The following LINGO2 variants were observed in gnomAD, a reference collection of about 807,000 sequenced individuals.
LINGO2 encodes leucine-rich repeat and immunoglobulin-like domain-containing nogo receptor-interacting protein 2.
A neutral mutation model predicts 30.6 loss-of-function variants in LINGO2; 14 were observed. The observed-to-expected ratio is 0.46, with a 90% CI of 0.30 to 0.72. LINGO2 has a LOEUF of 0.72. LINGO2 is among the 30% of genes least tolerant of loss of function. The probability of loss-of-function intolerance (pLI) is 0.07; values close to 1 mark genes in which losing one functional copy is unlikely to be tolerated. For synonymous variants in LINGO2, 317 were observed against 288.5 expected (o/e 1.10, Z -1.00); for missense variants, 729 against 751.7 (o/e 0.97, Z 0.35).
chr9:28,409,381 G>A (rs1038261796), intron 2 of LINGO2, among the ~76,000 whole-genome samples: 2 of 151,948 alleles, frequency 1.3e-5, no homozygotes, highest in African/African-American at 4.8e-5. Context: ...CATTTCTTAC[G>A]ATAGCAAGCA....
At chr9:28,987,712 C>T in the LINGO2 span, among the ~76,000 whole-genome samples, 2 of 152,094 alleles carry the variant, frequency 1.3e-5, no homozygotes, top group East Asian at 1.9e-4. Context: ...CTTTTTTCTA[C>T]ATCCCATAAT....
At chr9:28,747,065 C>T in the LINGO2 span, among the ~76,000 whole-genome samples, 1 of 151,910 alleles carries the variant, frequency 6.6e-6, no homozygotes, top group African/African-American at 2.4e-5. Context: ...TAAATGAGAA[C>T]AGGCATTCCT....
Position 28,481,277 on chromosome 9 carries a change from T to G in LINGO2, c.-364-5252A>C, listed in dbSNP as rs111986986. ...TGCAAAATAATTATTAATATCCATA[T>G]TTTGTAATGAGACAATTGAAACATG... On this transcript the variant is annotated intron_variant, in intron 1 of 5. Transcript: ENST00000379992. Among the ~76,000 whole-genome samples the G allele has an allele frequency of 2.1e-3, 317 of 152,276 alleles. 2 individuals are homozygous for G. Among genetic ancestry groups the G allele is most frequent in the African/African-American group, 6.4e-3 (268 of 41,556 alleles).
At chr9:28,910,404 C>T in the LINGO2 span, among the ~76,000 whole-genome samples, 1 of 151,924 alleles carries the variant, frequency 6.6e-6, no homozygotes, top group African/African-American at 2.4e-5. Context: ...TACAGTGTAG[C>T]AAATGAGCAA....
chr9:28,105,465 C>T (rs956493421), intron 4 of LINGO2, among the ~76,000 whole-genome samples: 3 of 151,904 alleles, frequency 2.0e-5, no homozygotes, highest in Non-Finnish European at 4.4e-5. Flanking sequence ...GATAAATACA[C>T]GAGTAAGAAA....
chr9:28,777,543 G>A, the LINGO2 span, among the ~76,000 whole-genome samples: 1 of 152,184 alleles, frequency 6.6e-6, no homozygotes, highest in Non-Finnish European at 1.5e-5. Context: ...GTGTGCCAGT[G>A]AGGTGTTTAT....
intron 1 of LINGO2, among the ~76,000 whole-genome samples, chr9:28,604,787 A>G (rs1181431296): frequency 1.3e-5 from 2 of 152,098 alleles, no homozygotes; most frequent in Admixed American, 1.3e-4. Flanking sequence ...TTACAATTGA[A>G]ATGGGGCAAA....
the LINGO2 span, among the ~76,000 whole-genome samples, chr9:28,743,811 C>T: frequency 6.6e-6 from 1 of 151,600 alleles, no homozygotes; most frequent in Non-Finnish European, 1.5e-5. Context: ...TTTGTTGATA[C>T]TACTGGTAGT....
chr9:29,045,697 G>C, the LINGO2 span, among the ~76,000 whole-genome samples: 3 of 151,938 alleles, frequency 2.0e-5, no homozygotes, highest in Admixed American at 6.6e-5. Context: ...TCAATAGTTT[G>C]ATAGGAATAG....
chr9:29,017,926 A>G, the LINGO2 span, among the ~76,000 whole-genome samples: 3 of 151,852 alleles, frequency 2.0e-5, no homozygotes, highest in Non-Finnish European at 4.4e-5. Context: ...ATGGTGCCCA[A>G]GAGCAGTAAG....
chr9:28,167,465 C>A (rs1828463707), intron 4 of LINGO2, among the ~76,000 whole-genome samples: 1 of 152,214 alleles, frequency 6.6e-6, no homozygotes, highest in African/African-American at 2.4e-5. Context: ...ACTGCAACCT[C>A]CACCTCCAGG....
At chr9:29,021,957 A>T in the LINGO2 span, among the ~76,000 whole-genome samples, 61,745 of 151,952 alleles carry the variant, frequency 0.41, 12,705 homozygotes, top group East Asian at 0.54. Context: ...ATATCACAAA[A>T]ATTGAGGTTA....
At position 28,092,440 on chromosome 9, in the gene LINGO2, G is replaced by A. The variant is rs543907406; in HGVS notation, c.-86-80035C>T. On this transcript the variant is annotated intron_variant, in intron 4 of 5. Transcript: ENST00000379992. ...AAACCATCATTCTCAGCAAACTGTCGCAAGGACAAAAAACCAAACACCGCA... is the reference window on the plus strand; with the variant it reads ...AAACCATCATTCTCAGCAAACTGTCACAAGGACAAAAAACCAAACACCGCA... 4.4e-4 allele frequency among the ~76,000 whole-genome samples: 67 copies of A among 150,624 alleles called. No individual in the cohort carries two copies. In the East Asian group the frequency reaches 9.3e-3, roughly 21 times the overall value.
intron 4 of LINGO2, among the ~76,000 whole-genome samples, chr9:28,152,284 A>G (rs570453178): frequency 6.6e-6 from 1 of 151,882 alleles, no homozygotes; most frequent in East Asian, 1.9e-4. Context: ...GTTGTTAAAA[A>G]GAGCCTGGCA....
At chr9:28,479,910 GGTATATATATATATATATATATATATAT>G (rs1825879238) in intron 1 of LINGO2, among the ~76,000 whole-genome samples, 1 of 17,236 alleles carries the variant, frequency 5.8e-5, no homozygotes, top group African/African-American at 1.6e-4. Context: ...TATATACGTA[GGTATATATATATATATATATATATATAT>G]ATATATATAT....
chr9:28,997,441 T>C, the LINGO2 span, among the ~76,000 whole-genome samples: 2 of 152,232 alleles, frequency 1.3e-5, no homozygotes, highest in Non-Finnish European at 1.5e-5. Context: ...TATTAGACTA[T>C]TGACAATGAC....
At chr9:28,970,516 A>G in the LINGO2 span, among the ~76,000 whole-genome samples, 1 of 151,894 alleles carries the variant, frequency 6.6e-6, no homozygotes, top group African/African-American at 2.4e-5. Flanking sequence ...CGCTAATGCA[A>G]CCCCTCCCCC....
chr9:28,073,414 A>G (rs1563958955), intron 4 of LINGO2, among the ~76,000 whole-genome samples: 1 of 152,132 alleles, frequency 6.6e-6, no homozygotes, highest in Admixed American at 6.5e-5. Flanking sequence ...TTAATAGTTA[A>G]AACAAAAACA....
the LINGO2 span, among the ~76,000 whole-genome samples, chr9:28,873,949 C>A: frequency 4.0e-5 from 6 of 151,806 alleles, no homozygotes; most frequent in Non-Finnish European, 8.8e-5. Flanking sequence ...ATTGAAAATA[C>A]AAACATTTTA....
Sources: gnomAD v4.1 joint callset for allele counts (sites outside exome capture counted in the v4.1 genomes callset) on GRCh38, gnomAD v4.1.1 for gene constraint, MANE v1.5 for transcripts, NCBI Gene and HGNC (gene_info 2026-07-23, HGNC 2026-07-21) for gene names.